CAMK4: variants seen among roughly 807,000 people sequenced by gnomAD.
CAMK4 encodes the protein calcium/calmodulin-dependent protein kinase type IV.
In CAMK4, 22 loss-of-function variants were observed where a neutral mutation model predicts 44.9. That is an observed-to-expected ratio of 0.49 (90% CI 0.35 to 0.70). The LOEUF is 0.70. Ranked by LOEUF, CAMK4 falls within the 30% of genes least tolerant of loss-of-function variation. CAMK4 has a pLI of 0.01. For synonymous variants in CAMK4, 218 were observed against 215.4 expected, an observed-to-expected ratio of 1.01 and a Z score of -0.11; for missense variants, 498 against 586.8, an observed-to-expected ratio of 0.85 and a Z score of 1.56.
rs1205867716 is a variant in CAMK4 at position 111,224,476 on chromosome 5, C to G, written c.-8C>G. 12 of 1,594,718 alleles carry G rather than the reference C, an allele frequency of 7.5e-6. No homozygotes were observed. The highest frequency in any genetic ancestry group is 9.4e-6 in the Non-Finnish European group (11 of 1,173,296). ...GGCGGCGGCGGCTTCCGGAGTCCCG[C>G]TGCGAAGATGCTCAAAGTCACGGTG... is the stretch of plus-strand genomic sequence containing the variant. On this transcript the variant is annotated 5_prime_UTR_variant, in exon 1 of 11. Transcript: ENST00000282356. The surrounding 1 kb of genome is among the most constrained non-coding windows in gnomAD (Gnocchi z 5.7).
Position 111,258,049 on chromosome 5 carries a change from T to G in CAMK4, c.161+33405T>G, listed in dbSNP as rs892581333. ...GGAGAGTATCAGGATAAATAGTTAATGCATGCAGGCTTAACACCTAGGTGA... is the reference window on the plus strand; with the variant it reads ...GGAGAGTATCAGGATAAATAGTTAAGGCATGCAGGCTTAACACCTAGGTGA... On this transcript the variant is annotated intron_variant, in intron 1 of 10. Transcript: ENST00000282356. Among the ~76,000 whole-genome samples, 8 of 152,092 alleles carry G rather than the reference T, an allele frequency of 5.3e-5. No homozygotes were observed. In the South Asian group the frequency reaches 8.3e-4, roughly 16 times the overall value.
At chr5:111,254,875 T>C (rs760857573) in intron 1 of CAMK4, among the ~76,000 whole-genome samples, 4 of 152,114 alleles carry the variant, frequency 2.6e-5, no homozygotes, top group Admixed American at 6.6e-5. Context: ...CTGGGGACTT[T>C]TGTGGTTTGG....
rs1230096339 is a variant in CAMK4 at position 111,491,989 on chromosome 5, G to C, written c.*7523G>C. The C allele has an allele frequency of 6.7e-6, 1 of 148,478 alleles. No homozygotes were observed. Among genetic ancestry groups the C allele is most frequent in the Non-Finnish European group, 1.5e-5 (1 of 67,972 alleles). 9.2% of individuals were successfully genotyped at this position (148,478 alleles called of 1,614,324 possible). A position where few individuals can be genotyped will look rare whatever the true frequency, so the allele number is the denominator to read the frequency against. ...CATTTTCTAATCCCCACGCTTTCCTGAGTGTTACGTATTTTATTTCTTTGA... is the reference window on the plus strand; with the variant it reads ...CATTTTCTAATCCCCACGCTTTCCTCAGTGTTACGTATTTTATTTCTTTGA... On this transcript the variant is annotated 3_prime_UTR_variant, in exon 11 of 11. Transcript: ENST00000282356.
At position 111,449,211 on chromosome 5, in the gene CAMK4, C is replaced by A; in HGVS notation, c.625+8C>A. The A allele has an allele frequency of 7.8e-7, 1 of 1,282,230 alleles. No homozygotes were observed. The highest frequency in any genetic ancestry group is 1.1e-6 in the Non-Finnish European group (1 of 913,006). The allele number at this position is 1,282,230 out of a possible 1,614,324, so 79.4% of individuals were successfully genotyped here. ...GAACCCCAGGGTACTGCGGTATGCT[C>A]TTTAATAATTATATTTTACTTTTAT... is the stretch of plus-strand genomic sequence containing the variant. On this transcript the variant is annotated splice_region_variant and intron_variant, in intron 7 of 10. Coordinates refer to ENST00000282356, the MANE Select transcript of CAMK4 (RefSeq NM_001744.6).
chr5:111,334,922 G>T (rs1397247867), intron 1 of CAMK4, among the ~76,000 whole-genome samples: 4 of 151,138 alleles, frequency 2.6e-5, no homozygotes, highest in East Asian at 2.0e-4. Flanking sequence ...AAGATTTTTT[G>T]ATTTCATCTC....
chr5:111,326,623 A>G (rs1748899080), intron 1 of CAMK4, among the ~76,000 whole-genome samples: 1 of 151,544 alleles, frequency 6.6e-6, no homozygotes, highest in Admixed American at 6.6e-5. Context: ...AACTTCGGTA[A>G]CAGGCAAACT....
chr5:111,451,824 A>T (rs1754247507), intron 7 of CAMK4, among the ~76,000 whole-genome samples: 1 of 152,170 alleles, frequency 6.6e-6, no homozygotes, highest in Non-Finnish European at 1.5e-5. Context: ...GTTTGAGCCC[A>T]GGAGTTAGAG....
rs1247205059 is a variant in CAMK4, at chr5:111,489,154, A to G, written c.*4688A>G. ...ATTACAATATTCATAACCACATGAT[A>G]AACAGAAATGTACCCAATAATTTCC... On this transcript the variant is annotated 3_prime_UTR_variant, in exon 11 of 11. Transcript: ENST00000282356. The G allele has an allele frequency of 6.6e-6, 1 of 152,306 alleles. No homozygotes were observed. Among genetic ancestry groups the G allele is most frequent in the East Asian group, 1.9e-4 (1 of 5,190 alleles). 9.4% of individuals were successfully genotyped at this position (152,306 alleles called of 1,614,324 possible).
At chr5:111,465,118 C>T (rs1402467087) in intron 7 of CAMK4, among the ~76,000 whole-genome samples, 1 of 152,082 alleles carries the variant, frequency 6.6e-6, no homozygotes, top group Non-Finnish European at 1.5e-5. Flanking sequence ...GTTTGAATTT[C>T]TGTAAATAAT....
chr5:111,475,439 G>T (rs1228916775), intron 8 of CAMK4, among the ~76,000 whole-genome samples: 1 of 152,156 alleles, frequency 6.6e-6, no homozygotes, highest in Non-Finnish European at 1.5e-5. Context: ...AAAACTTAAT[G>T]ATATCACTGA....
At chr5:111,427,650 G>A (rs1038470478) in intron 5 of CAMK4, among the ~76,000 whole-genome samples, 1 of 152,208 alleles carries the variant, frequency 6.6e-6, no homozygotes, top group Non-Finnish European at 1.5e-5. Context: ...GGGCTGCTCT[G>A]CTTTTCAAAA....
intron 4 of CAMK4, among the ~76,000 whole-genome samples, chr5:111,386,357 A>G (rs1042070856): frequency 6.6e-6 from 1 of 152,212 alleles, no homozygotes; most frequent in African/African-American, 2.4e-5. Flanking sequence ...TTCAGTACAC[A>G]TTCTCATCAG....
intron 8 of CAMK4, among the ~76,000 whole-genome samples, chr5:111,476,271 T>TTG (rs59191685): frequency 0.041 from 5,192 of 127,306 alleles, 427 homozygotes; most frequent in African/African-American, 0.13. Flanking sequence ...GTGTGTGTGT[T>TTG]TGTGTGTGTG....
intron 1 of CAMK4, among the ~76,000 whole-genome samples, chr5:111,242,249 T>C (rs2112520905): frequency 6.6e-6 from 1 of 152,258 alleles, no homozygotes; most frequent in East Asian, 1.9e-4. Flanking sequence ...ACTTAATACA[T>C]GTATAACCCT....
chr5:111,320,181 A>C (rs1401889107), intron 1 of CAMK4, among the ~76,000 whole-genome samples: 2 of 152,184 alleles, frequency 1.3e-5, no homozygotes, highest in Non-Finnish European at 2.9e-5. Flanking sequence ...GGGAAGACAG[A>C]AGTAGATAAG....
At chr5:111,257,249 C>G (rs549508327) in intron 1 of CAMK4, among the ~76,000 whole-genome samples, 1 of 152,104 alleles carries the variant, frequency 6.6e-6, no homozygotes, top group African/African-American at 2.4e-5. Flanking sequence ...TACCATCTAT[C>G]CACCTGACAA....
chr5:111,262,227 G>A (rs1650793), intron 1 of CAMK4, among the ~76,000 whole-genome samples: 91 of 151,364 alleles, frequency 6.0e-4, no homozygotes, highest in Non-Finnish European at 1.1e-3. Flanking sequence ...TAGAGGAGAA[G>A]GATTGAACTC....
At chr5:111,442,915 C>G (rs1168099378) in intron 5 of CAMK4, among the ~76,000 whole-genome samples, 1 of 149,850 alleles carries the variant, frequency 6.7e-6, no homozygotes, top group Non-Finnish European at 1.5e-5. Flanking sequence ...TTCATTTTAA[C>G]TAGTAATACA....
intron 6 of CAMK4, among the ~76,000 whole-genome samples, 161 bp from the exon 7 acceptor site, chr5:111,448,968 A>T (rs778114232): frequency 6.6e-6 from 1 of 152,252 alleles, no homozygotes; most frequent in African/African-American, 2.4e-5. Context: ...TGTTTTCTTT[A>T]GCTTCCTGTT....
Sources: allele counts gnomAD v4.1 joint callset (sites outside exome capture counted in the v4.1 genomes callset), GRCh38; gene constraint gnomAD v4.1.1; non-coding constraint Gnocchi (gnomAD v3.1); transcripts MANE v1.5; gene names NCBI Gene and HGNC (gene_info 2026-07-23, HGNC 2026-07-21).